TMEM51: variants seen among roughly 807,000 people sequenced by gnomAD.
TMEM51 encodes the protein chromosome 1 open reading frame 72.
Under a neutral mutation model 13.6 loss-of-function variants are expected in TMEM51, and 8 were observed. The ratio of observed to expected loss-of-function variants is 0.59; its 90% CI spans 0.35 to 1.07. TMEM51 has a LOEUF of 1.07. Among genes scored for constraint, TMEM51 ranks in the 50% least tolerant of loss-of-function variants. The pLI, the probability that TMEM51 is intolerant of heterozygous loss-of-function variation, is 0.02. For synonymous variants in TMEM51, 147 were observed against 144.4 expected (o/e 1.02, Z -0.13); for missense variants, 279 against 330.7 (o/e 0.84, Z 1.21).
chr1:15,153,561 G>A (rs1642469560), upstream of TMEM51, among the ~76,000 whole-genome samples: 1 of 152,108 alleles, frequency 6.6e-6, no homozygotes, highest in South Asian at 2.1e-4. Context: ...CGCTCCAGCG[G>A]CATACGCTGG....
intron 1 of TMEM51, among the ~76,000 whole-genome samples, chr1:15,186,558 C>T (rs1323375989): frequency 1.3e-5 from 2 of 152,142 alleles, no homozygotes; most frequent in Non-Finnish European, 2.9e-5. Context: ...GTTTACTTAG[C>T]CTCTCCCAGC....
chr1:15,177,532 C>T (rs1419240755), intron 1 of TMEM51, among the ~76,000 whole-genome samples: 3 of 152,080 alleles, frequency 2.0e-5, no homozygotes, highest in Non-Finnish European at 4.4e-5. Context: ...CAGCTCATCC[C>T]GAGCAAGCAG....
intron 1 of TMEM51, among the ~76,000 whole-genome samples, chr1:15,182,067 A>G (rs1006429522): frequency 6.6e-6 from 1 of 152,098 alleles, no homozygotes; most frequent in Non-Finnish European, 1.5e-5. Context: ...AGGCTGAGGC[A>G]GGAGAATCGC....
At chr1:15,171,118 T>TCCC in intron 1 of TMEM51, 3 of 547,030 alleles carry the variant, frequency 5.5e-6, no homozygotes, top group East Asian at 8.1e-5. Flanking sequence ...CCCCGCCACA[T>TCCC]CCCCCACCCC....
At chr1:15,203,728 T>G (rs374670099) in intron 1 of TMEM51, among the ~76,000 whole-genome samples, 28 of 152,290 alleles carry the variant, frequency 1.8e-4, no homozygotes, top group African/African-American at 6.7e-4. Context: ...TAGTAGGTGC[T>G]CAGTTAATAT....
At chr1:15,196,980 A>C (rs977272539) in intron 1 of TMEM51, among the ~76,000 whole-genome samples, 1 of 152,158 alleles carries the variant, frequency 6.6e-6, no homozygotes, top group Non-Finnish European at 1.5e-5. Flanking sequence ...AGGGTTCTTC[A>C]GACACAGCGG....
chr1:15,158,957 T>A (rs1219429822), intron 1 of TMEM51, among the ~76,000 whole-genome samples: 1 of 152,218 alleles, frequency 6.6e-6, no homozygotes, highest in Non-Finnish European at 1.5e-5. Flanking sequence ...TGTTTGTGGA[T>A]GTGCACTGAG....
intron 1 of TMEM51, among the ~76,000 whole-genome samples, chr1:15,181,222 C>T (rs1391925461): frequency 6.6e-6 from 1 of 152,176 alleles, no homozygotes; most frequent in Admixed American, 6.5e-5. Context: ...AGATGTAAGG[C>T]ATATAGAACG....
intron 1 of TMEM51, among the ~76,000 whole-genome samples, chr1:15,166,160 C>T (rs1237454501): frequency 6.6e-6 from 1 of 152,164 alleles, no homozygotes; most frequent in African/African-American, 2.4e-5. Flanking sequence ...CATAACAAAA[C>T]TGTTATTGAT....
Position 15,153,820 on chromosome 1 carries a change from G to C in TMEM51, c.-401G>C, listed in dbSNP as rs1371449000. ...CCCTCTCCACCACTGCGTTCCCTCG[G>C]CTAAGAATCCCCCGAACCCCAGCCC... On this transcript the variant is annotated 5_prime_UTR_variant, in exon 1 of 4. Coordinates refer to ENST00000376008, the MANE Select transcript of TMEM51 (RefSeq NM_001136218.2). 1 of 151,824 alleles carries C rather than the reference G, an allele frequency of 6.6e-6. No homozygotes were observed. The highest frequency in any genetic ancestry group is 1.5e-5 in the Non-Finnish European group (1 of 67,950). 9.4% of individuals were successfully genotyped at this position (151,824 alleles called of 1,614,324 possible).
chr1:15,180,594 G>A (rs1643586034), intron 1 of TMEM51, among the ~76,000 whole-genome samples: 1 of 152,172 alleles, frequency 6.6e-6, no homozygotes, highest in African/African-American at 2.4e-5. Flanking sequence ...GATGCATTGT[G>A]TAGTTCTTAG....
chr1:15,181,338 G>C (rs1476417083), intron 1 of TMEM51, among the ~76,000 whole-genome samples: 1 of 152,214 alleles, frequency 6.6e-6, no homozygotes, highest in Non-Finnish European at 1.5e-5. Context: ...TGGGGCTCCA[G>C]GTTGCAGTAG....
chr1:15,204,364 G>A (rs954307977), intron 1 of TMEM51, among the ~76,000 whole-genome samples: 1 of 152,240 alleles, frequency 6.6e-6, no homozygotes, highest in African/African-American at 2.4e-5. Flanking sequence ...GACTAGCCTG[G>A]CCAGCGTGGT....
chr1:15,194,917 C>CTTTTTTT (rs34885407), intron 1 of TMEM51, among the ~76,000 whole-genome samples: 3 of 93,482 alleles, frequency 3.2e-5, no homozygotes, highest in Non-Finnish European at 6.1e-5. Context: ...TATAATTTTA[C>CTTTTTTT]TTTTTTTTTT....
At chr1:15,187,658 G>A (rs1643821854) in intron 1 of TMEM51, among the ~76,000 whole-genome samples, 1 of 152,180 alleles carries the variant, frequency 6.6e-6, no homozygotes, top group Admixed American at 6.5e-5. Flanking sequence ...CCTGCTAACA[G>A]CCCAGAGGCA....
intron 1 of TMEM51, among the ~76,000 whole-genome samples, chr1:15,186,530 A>G (rs1166667426): frequency 5.9e-5 from 9 of 152,302 alleles, no homozygotes; most frequent in African/African-American, 2.2e-4. Flanking sequence ...GACTCTGCCG[A>G]TAGGGGAAAT....
At chr1:15,158,178 A>G (rs10803362) in intron 1 of TMEM51, among the ~76,000 whole-genome samples, 26,277 of 152,184 alleles carry the variant, frequency 0.17, 2,541 homozygotes, top group African/African-American at 0.26. Context: ...TCTAACCTGT[A>G]GGTCTCACGT....
chr1:15,215,508 C>T lies in TMEM51; in HGVS notation c.344+77C>T, dbSNP rs1220098856. The T allele has an allele frequency of 6.0e-6, 8 of 1,331,426 alleles. No homozygotes were observed. In the Admixed American group the frequency reaches 1.3e-4, roughly 22 times the overall value. The allele number at this position is 1,331,426 out of a possible 1,614,324, so 82.5% of individuals were successfully genotyped here. Reference sequence around the variant, plus strand: ...CATGCACACACATGTTCACACCTTTCCGTGGTGAAAAGACTGTCATCTACA... The same window carrying T: ...CATGCACACACATGTTCACACCTTTTCGTGGTGAAAAGACTGTCATCTACA... On this transcript the variant is annotated intron_variant, in intron 3 of 3. Transcript: ENST00000376008.
intron 1 of TMEM51, chr1:15,164,289 CTT>C (rs2100819614): frequency 1.3e-5 from 6 of 445,174 alleles, no homozygotes; most frequent in South Asian, 9.4e-5. Context: ...ATTTGGTCAT[CTT>C]GTCTCCTTAG....
Sources: allele counts gnomAD v4.1 joint callset (sites outside exome capture counted in the v4.1 genomes callset), GRCh38; gene constraint gnomAD v4.1.1; transcripts MANE v1.5; gene names NCBI Gene and HGNC (gene_info 2026-07-23, HGNC 2026-07-21).